The following CDH18 variants were observed in gnomAD, a reference collection of about 807,000 sequenced individuals.
The protein encoded by CDH18 is cadherin 18.
A neutral mutation model predicts 67.9 loss-of-function variants in CDH18; 31 were observed. The ratio of observed to expected loss-of-function variants is 0.46; its 90% confidence interval spans 0.34 to 0.62. CDH18 has a LOEUF of 0.62. Ranked by LOEUF, CDH18 falls within the 20% of genes least tolerant of loss-of-function variation. The probability of loss-of-function intolerance (pLI) is 0.01; values close to 1 mark genes in which losing one functional copy is unlikely to be tolerated. For synonymous variants in CDH18, 362 were observed against 347.2 expected (o/e 1.04, Z -0.48); for missense variants, 890 against 975.5 (o/e 0.91, Z 1.17).
intron 2 of CDH18, among the ~76,000 whole-genome samples, chr5:19,908,296 A>G (rs779825276): frequency 1.2e-4 from 19 of 152,112 alleles, no homozygotes; most frequent in Non-Finnish European, 2.5e-4. Flanking sequence ...ATTGACAATG[A>G]CATGCTTCTT....
At chr5:20,316,092 A>T (rs1028212874) in intron 1 of CDH18, among the ~76,000 whole-genome samples, 1 of 152,158 alleles carries the variant, frequency 6.6e-6, no homozygotes, top group Non-Finnish European at 1.5e-5. Flanking sequence ...CTTTGGCAAG[A>T]CATACAAACT....
chr5:20,524,162 A>C (rs545459028), intron 1 of CDH18, among the ~76,000 whole-genome samples: 6 of 152,304 alleles, frequency 3.9e-5, no homozygotes, highest in African/African-American at 1.4e-4. Flanking sequence ...AGCACCACTC[A>C]CTACAGTCCC....
chr5:20,290,637 G>T (rs879882440), intron 1 of CDH18, among the ~76,000 whole-genome samples: 1 of 152,142 alleles, frequency 6.6e-6, no homozygotes, highest in Non-Finnish European at 1.5e-5. Flanking sequence ...AAGCATTCTG[G>T]TTGTACGATA....
At chr5:19,702,632 G>C (rs1763418175) in intron 5 of CDH18, among the ~76,000 whole-genome samples, 1 of 152,044 alleles carries the variant, frequency 6.6e-6, no homozygotes, top group South Asian at 2.1e-4. Flanking sequence ...TGGGTCTGTA[G>C]TGGCGTGCAC....
chr5:20,493,949 C>CA (rs879513015), intron 1 of CDH18, among the ~76,000 whole-genome samples: 3,339 of 145,738 alleles, frequency 0.023, 59 homozygotes, highest in Admixed American at 0.04. Context: ...ACAAAAACAG[C>CA]AAAAAAAAAA....
intron 1 of CDH18, among the ~76,000 whole-genome samples, chr5:20,376,974 G>A (rs938541631): frequency 6.6e-6 from 1 of 150,634 alleles, no homozygotes; most frequent in Non-Finnish European, 1.5e-5. Flanking sequence ...CCAAGATCAC[G>A]CTACTGCACC....
chr5:20,538,486 A>G (rs867430051), intron 1 of CDH18, among the ~76,000 whole-genome samples: 1 of 152,180 alleles, frequency 6.6e-6, no homozygotes, highest in Non-Finnish European at 1.5e-5. Flanking sequence ...GAATGAAGGA[A>G]TAACAAGCTG....
intron 1 of CDH18, among the ~76,000 whole-genome samples, chr5:20,382,865 C>T (rs1268275741): frequency 2.0e-5 from 3 of 152,194 alleles, no homozygotes; most frequent in African/African-American, 7.2e-5. Flanking sequence ...CTATCAACAC[C>T]TTAGTAAACT....
intron 1 of CDH18, among the ~76,000 whole-genome samples, chr5:20,438,101 CT>C (rs1326048609): frequency 6.6e-6 from 1 of 151,140 alleles, no homozygotes; most frequent in Non-Finnish European, 1.5e-5. Flanking sequence ...CAACATCTTC[CT>C]GTTAGCAAGT....
chr5:19,770,169 A>C (rs1773569317), intron 3 of CDH18, among the ~76,000 whole-genome samples: 1 of 152,134 alleles, frequency 6.6e-6, no homozygotes, highest in East Asian at 1.9e-4. Flanking sequence ...ATTTCTCAAA[A>C]TATTACACAT....
At chr5:20,059,610 T>G (rs1742286956) in intron 2 of CDH18, among the ~76,000 whole-genome samples, 2 of 152,236 alleles carry the variant, frequency 1.3e-5, no homozygotes, top group African/African-American at 4.8e-5. Context: ...ATCTTATTAC[T>G]GGGCATATAC....
intron 2 of CDH18, among the ~76,000 whole-genome samples, chr5:19,892,499 A>G (rs1788882455): frequency 6.6e-6 from 1 of 152,126 alleles, no homozygotes. Flanking sequence ...TTTAGCTAAG[A>G]GACAGTCTCC....
intron 2 of CDH18, among the ~76,000 whole-genome samples, chr5:20,066,119 C>T (rs1318754743): frequency 6.6e-6 from 1 of 151,956 alleles, no homozygotes; most frequent in Admixed American, 6.6e-5. Context: ...ACTACATCAA[C>T]AGAGAATAAC....
At chr5:20,447,264 C>T (rs1193884088) in intron 1 of CDH18, among the ~76,000 whole-genome samples, 1 of 151,868 alleles carries the variant, frequency 6.6e-6, no homozygotes, top group Non-Finnish European at 1.5e-5. Context: ...GTTTCCCCTC[C>T]AAAATTCAAA....
intron 1 of CDH18, among the ~76,000 whole-genome samples, chr5:20,437,255 A>G (rs1487288199): frequency 6.6e-6 from 1 of 151,310 alleles, no homozygotes; most frequent in African/African-American, 2.4e-5. Flanking sequence ...CCTTTTTATA[A>G]TCCCATAGCT....
chr5:20,479,226 T>G (rs1483970987), intron 1 of CDH18, among the ~76,000 whole-genome samples: 1 of 152,070 alleles, frequency 6.6e-6, no homozygotes, highest in Non-Finnish European at 1.5e-5. Context: ...AACATCCATG[T>G]GCATCAAGAA....
intron 2 of CDH18, among the ~76,000 whole-genome samples, chr5:20,067,784 G>T (rs1385778985): frequency 6.6e-6 from 1 of 151,974 alleles, no homozygotes; most frequent in African/African-American, 2.4e-5. Flanking sequence ...CATTATATAG[G>T]TCTCTGTATA....
intron 1 of CDH18, among the ~76,000 whole-genome samples, chr5:20,557,581 C>T (rs1473327011): frequency 6.6e-6 from 1 of 151,892 alleles, no homozygotes; most frequent in Non-Finnish European, 1.5e-5. Context: ...ACTGATAAAA[C>T]TAAATATGGA....
chr5:20,291,043 T>TATAA (rs1012971173), intron 1 of CDH18, among the ~76,000 whole-genome samples: 1 of 151,574 alleles, frequency 6.6e-6, no homozygotes, highest in Non-Finnish European at 1.5e-5. Flanking sequence ...AATATGAGAG[T>TATAA]GATTATAAGA....
Sources: gnomAD v4.1 joint callset for allele counts (sites outside exome capture counted in the v4.1 genomes callset) on GRCh38, gnomAD v4.1.1 for gene constraint, MANE v1.5 for transcripts, NCBI Gene and HGNC (gene_info 2026-07-23, HGNC 2026-07-21) for gene names.